The following NFIA variants were observed in gnomAD, a reference collection of about 807,000 sequenced individuals.
NFIA encodes the protein nuclear factor 1 A-type.
Under a neutral mutation model 62.8 loss-of-function variants are expected in NFIA, and 8 were observed. The observed-to-expected ratio is 0.13, with a 90% CI of 0.07 to 0.23. NFIA has a LOEUF of 0.23. Ranked by LOEUF, NFIA falls within the 10% of genes least tolerant of loss-of-function variation. The pLI is 1.00. For missense variants in NFIA, 410 were observed against 642.1 expected (o/e 0.64, Z 3.91); for synonymous variants, 235 against 238.1 (o/e 0.99, Z 0.12).
intron 4 of NFIA, among the ~76,000 whole-genome samples, chr1:61,341,085 A>G (rs1243439503): frequency 9.4e-6 from 1 of 106,666 alleles, no homozygotes; most frequent in African/African-American, 4.0e-5. Flanking sequence ...TTTTTTTGAG[A>G]TGGAGTCTCG....
At chr1:61,453,273 T>G (rs922032524) in intron 10 of NFIA, among the ~76,000 whole-genome samples, 13 of 152,062 alleles carry the variant, frequency 8.5e-5, no homozygotes, top group Middle Eastern at 3.4e-3. Flanking sequence ...TGGTTGCTCT[T>G]AGCAACCAGA....
intron 2 of NFIA, among the ~76,000 whole-genome samples, chr1:61,209,121 G>GT (rs1176983819): frequency 5.0e-4 from 74 of 148,620 alleles, no homozygotes; most frequent in African/African-American, 1.4e-3. Context: ...CAAGAGTTTT[G>GT]TTTTTTTTTT....
intron 3 of NFIA, among the ~76,000 whole-genome samples, chr1:61,289,210 A>T (rs1465163983): frequency 6.6e-6 from 1 of 152,110 alleles, no homozygotes; most frequent in Non-Finnish European, 1.5e-5. Flanking sequence ...AGCCTGGAGG[A>T]AGTGTGGCCT....
chr1:61,385,103 G>T (rs1232476322), intron 7 of NFIA, among the ~76,000 whole-genome samples: 1 of 152,056 alleles, frequency 6.6e-6, no homozygotes, highest in African/African-American at 2.4e-5. Context: ...AGGTGTGGTG[G>T]CACATGCCTG....
rs775819749 is a variant in NFIA, at chr1:61,406,549, C to CA, written c.1255-13_1255-12insA. The stretch of plus-strand genomic sequence containing the variant: ...TCTTGTACGTGTGTTTTCTGCCCCC[C>CA]CCCCCCCCACAGCCCAATGGGAGCA... On this transcript the variant is annotated splice_polypyrimidine_tract_variant and intron_variant, in intron 8 of 10. Transcript: ENST00000403491. 19 of 1,028,090 alleles carry CA rather than the reference C, an allele frequency of 1.8e-5. No homozygotes were observed. Among genetic ancestry groups the CA allele is most frequent in the South Asian group, 3.4e-5 (2 of 59,376 alleles). 63.7% of individuals were successfully genotyped at this position (1,028,090 alleles called of 1,614,324 possible).
chr1:61,295,688 C>T (rs545238300), intron 3 of NFIA, among the ~76,000 whole-genome samples: 3 of 152,288 alleles, frequency 2.0e-5, no homozygotes, highest in South Asian at 4.1e-4. Context: ...TCAGTTTCCT[C>T]GTCTGTAAAA....
At chr1:61,378,242 G>A (rs1422686698) in intron 6 of NFIA, among the ~76,000 whole-genome samples, 1 of 152,132 alleles carries the variant, frequency 6.6e-6, no homozygotes, top group Non-Finnish European at 1.5e-5. Flanking sequence ...GAGACCCCAA[G>A]AATTTGAGTT....
chr1:61,379,445 G>T (rs1664310433), intron 6 of NFIA, among the ~76,000 whole-genome samples: 1 of 114,632 alleles, frequency 8.7e-6, no homozygotes, highest in African/African-American at 3.5e-5. Context: ...ATCTTGCTCT[G>T]TCAGTAGGCT....
At position 61,145,852 on chromosome 1, in the gene NFIA, C is replaced by A. The variant is rs544096146; in HGVS notation, c.559+57172C>A. 9.2e-5 allele frequency among the ~76,000 whole-genome samples: 14 copies of A among 152,214 alleles called. 1 individual carries two copies. The highest frequency in any genetic ancestry group is 3.4e-4 in the African/African-American group (14 of 41,534). The stretch of plus-strand genomic sequence containing the variant: ...TCTCTTCTCTGACATGTCCTGGTGC[C>A]CTGGGTTTGTGGGGTCAAGTCACTG... On this transcript the variant is annotated intron_variant, in intron 2 of 10. Transcript: ENST00000403491.
rs12022462 is a variant in NFIA, at chr1:61,405,571, G to A, written c.1255-991G>A. 1.1e-4 allele frequency among the ~76,000 whole-genome samples: 16 copies of A among 152,224 alleles called. No individual in the cohort carries two copies. The East Asian group carries it at 1.7e-3, about 17-fold the overall frequency. On this transcript the variant is annotated intron_variant, in intron 8 of 10. Coordinates refer to ENST00000403491, the MANE Select transcript of NFIA (RefSeq NM_001134673.4). ...TGGGGACTAAATGTGAACTGTTGTC[G>A]TTGGTTGAATAGAGGCCTCTTGGGA... is the stretch of plus-strand genomic sequence containing the variant.
At chr1:61,203,095 A>T (rs993339402) in intron 2 of NFIA, among the ~76,000 whole-genome samples, 1 of 152,240 alleles carries the variant, frequency 6.6e-6, no homozygotes, top group East Asian at 1.9e-4. Context: ...TTGCTGATCA[A>T]GCAAGGTCTG....
At chr1:61,312,576 G>A (rs1295659197) in intron 3 of NFIA, among the ~76,000 whole-genome samples, 2 of 151,802 alleles carry the variant, frequency 1.3e-5, no homozygotes, top group Non-Finnish European at 2.9e-5. Context: ...GAAGTGGCAC[G>A]ATCATGGCTC....
chr1:61,158,026 G>A (rs2100531258), intron 2 of NFIA, among the ~76,000 whole-genome samples: 1 of 152,304 alleles, frequency 6.6e-6, no homozygotes, highest in East Asian at 1.9e-4. Context: ...TAACAGCTTT[G>A]TGTATCTTAT....
chr1:61,452,069 T>C (rs1002214264), intron 10 of NFIA, among the ~76,000 whole-genome samples: 1 of 152,184 alleles, frequency 6.6e-6, no homozygotes, highest in Admixed American at 6.5e-5. Context: ...ATAGAAATTA[T>C]AAGAAAATAT....
In NFIA at chr1:61,232,929, G is replaced by T. The variant is rs74090341; in HGVS notation, c.560-44591G>T. 6.8e-3 allele frequency among the ~76,000 whole-genome samples: 1,040 copies of T among 151,904 alleles called. 10 individuals are homozygous for T. Among genetic ancestry groups the T allele is most frequent in the African/African-American group, 0.023 (963 of 41,442 alleles). On this transcript the variant is annotated intron_variant, in intron 2 of 10. Transcript: ENST00000403491. ...TAAATTCATTTGGCAAGAATTTTTC[G>T]TTGGGTTTTAACCACTCTTTTAGTT...
rs534272651 is a variant in NFIA, at chr1:61,359,069, T to C, written c.819-78T>C. ...GCCCAATTGCTTCCTCCCTTGGCTTTCTTTCAACCAGAGGTGCAGTGTCCA... is the reference window on the plus strand; with the variant it reads ...GCCCAATTGCTTCCTCCCTTGGCTTCCTTTCAACCAGAGGTGCAGTGTCCA... On this transcript the variant is annotated intron_variant, in intron 5 of 10. Transcript: ENST00000403491. 320 of 1,561,928 alleles carry C rather than the reference T, an allele frequency of 2.0e-4. 3 individuals carry two copies. The highest frequency in any genetic ancestry group is 6.4e-4 in the Middle Eastern group (3 of 4,718).
intron 4 of NFIA, among the ~76,000 whole-genome samples, chr1:61,342,543 A>G (rs749350670): frequency 6.6e-6 from 1 of 152,238 alleles, no homozygotes; most frequent in Non-Finnish European, 1.5e-5. Context: ...CAGATCAGTC[A>G]GCATTGCTAA....
At chr1:61,084,833 A>G (rs1646189932) in intron 1 of NFIA, among the ~76,000 whole-genome samples, 1 of 151,930 alleles carries the variant, frequency 6.6e-6, no homozygotes, top group South Asian at 2.1e-4. Context: ...TTCATGAGGT[A>G]TTATGACATT....
chr1:61,417,735 G>A (rs56097221), intron 9 of NFIA, among the ~76,000 whole-genome samples: 5,310 of 152,110 alleles, frequency 0.035, 298 homozygotes, highest in African/African-American at 0.12. Context: ...ATCAGATATT[G>A]GAATCAGTAG....
Sources: allele counts gnomAD v4.1 joint callset (sites outside exome capture counted in the v4.1 genomes callset), GRCh38; gene constraint gnomAD v4.1.1; transcripts MANE v1.5; gene names NCBI Gene and HGNC (gene_info 2026-07-23, HGNC 2026-07-21).